Variants in C3orf20 observed in about 807,000 individuals in gnomAD.
C3orf20 encodes family with sequence similarity 149 member C.
Under a neutral mutation model 88.3 loss-of-function variants are expected in C3orf20, and 76 were observed. That is an observed-to-expected ratio of 0.86 (90% CI 0.72 to 1.04). C3orf20 has a LOEUF of 1.04. Among genes scored for constraint, C3orf20 ranks in the 50% least tolerant of loss-of-function variants. C3orf20 has a pLI of 0.00. For missense variants in C3orf20, 1,056 were observed against 1,123.3 expected, an observed-to-expected ratio of 0.94 and a Z score of 0.86; for synonymous variants, 436 against 437.4, an observed-to-expected ratio of 1.00 and a Z score of 0.04.
rs151224168 is a variant in C3orf20, at chr3:14,762,617, C to T, written c.2495+1002C>T. Among the ~76,000 whole-genome samples, 103 of 152,330 alleles carry T rather than the reference C, an allele frequency of 6.8e-4. 2 individuals carry two copies. In the East Asian group the frequency reaches 0.019, roughly 28 times the overall value. Reference sequence around the variant, plus strand: ...TTCAAAATGAGGAAATAATGCCCACCTTGAGAGGCTGTGAGGATCTCATGA... The same window carrying T: ...TTCAAAATGAGGAAATAATGCCCACTTTGAGAGGCTGTGAGGATCTCATGA... On this transcript the variant is annotated intron_variant, in intron 15 of 16. Transcript: ENST00000253697.
intron 12 of C3orf20, among the ~76,000 whole-genome samples, chr3:14,736,584 C>T (rs1026739165): frequency 6.9e-6 from 1 of 144,696 alleles, no homozygotes; most frequent in African/African-American, 2.7e-5. Flanking sequence ...AGCCACTGCG[C>T]CTGGCCTTTT....
At chr3:14,760,137 T>C in intron 14 of C3orf20, 139 bp downstream of exon 14, 1 of 708,500 alleles carries the variant, frequency 1.4e-6, no homozygotes, top group East Asian at 2.7e-5. Context: ...CCACCGTGGC[T>C]GAGGCCCAGA....
intron 12 of C3orf20, among the ~76,000 whole-genome samples, chr3:14,753,594 G>T (rs894489910): frequency 1.3e-5 from 2 of 152,028 alleles, no homozygotes; most frequent in Non-Finnish European, 2.9e-5. Context: ...CCTGTGAGTG[G>T]TCCATACTTT....
In C3orf20 at chr3:14,721,587, G is replaced by A. The variant is rs140401467; in HGVS notation, c.1435-66G>A. On this transcript the variant is annotated intron_variant, in intron 9 of 16. Coordinates refer to ENST00000253697, the MANE Select transcript of C3orf20 (RefSeq NM_032137.5). ...AACAGGGGCTTTGTGCTTCGTGGTG[G>A]GTCAGGAAGGGGTGGCTGGGGCCGT... is the stretch of plus-strand genomic sequence containing the variant. The A allele has an allele frequency of 3.1e-3, 4,890 of 1,583,382 alleles. 195 individuals are homozygous for A. In the Admixed American group the frequency reaches 0.073, roughly 23 times the overall value.
intron 14 of C3orf20, among the ~76,000 whole-genome samples, chr3:14,761,019 G>A (rs555294314): frequency 1.3e-5 from 2 of 152,232 alleles, no homozygotes; most frequent in Admixed American, 1.3e-4. Context: ...CTGACCTATG[G>A]GGGTGGGAGC....
intron 12 of C3orf20, among the ~76,000 whole-genome samples, chr3:14,746,986 G>A (rs533967816): frequency 1.3e-5 from 2 of 152,290 alleles, no homozygotes; most frequent in African/African-American, 4.8e-5. Context: ...GACAATGGGG[G>A]AACTGGGAAC....
chr3:14,702,262 A>C (rs1425630908), intron 5 of C3orf20, among the ~76,000 whole-genome samples: 1 of 152,108 alleles, frequency 6.6e-6, no homozygotes, highest in Non-Finnish European at 1.5e-5. Context: ...AAACTTATTC[A>C]CTATCACGAG....
chr3:14,687,058 A>C (rs537100364), intron 4 of C3orf20, among the ~76,000 whole-genome samples: 1 of 152,336 alleles, frequency 6.6e-6, no homozygotes, highest in African/African-American at 2.4e-5. Flanking sequence ...GGGGAGCAGC[A>C]CTAGCCGCCT....
At chr3:14,723,434 AGCAG>A (rs1168103158) in intron 10 of C3orf20, among the ~76,000 whole-genome samples, 3 of 152,280 alleles carry the variant, frequency 2.0e-5, no homozygotes, top group Non-Finnish European at 4.4e-5. Flanking sequence ...TAGCACCTGC[AGCAG>A]GCCAAGTTGG....
At chr3:14,683,826 A>G (rs1205715511) in intron 3 of C3orf20, among the ~76,000 whole-genome samples, 1 of 149,856 alleles carries the variant, frequency 6.7e-6, no homozygotes, top group African/African-American at 2.5e-5. Context: ...CAGTGAGCCA[A>G]GATCATGCCA....
rs766433620 is a variant in C3orf20, at chr3:14,772,240, A to C, written c.2630+39A>C. Reference sequence around the variant, plus strand: ...TCAGCTGCCAGAATGGGCGTGGCTCACAGCAGGCCACCTCGGGGCTATTTG... The same window carrying C: ...TCAGCTGCCAGAATGGGCGTGGCTCCCAGCAGGCCACCTCGGGGCTATTTG... On this transcript the variant is annotated intron_variant, in intron 16 of 16. Coordinates refer to ENST00000253697, the MANE Select transcript of C3orf20 (RefSeq NM_032137.5). The surrounding 1 kb of genome is among the most constrained non-coding windows in gnomAD (Gnocchi z 4.2). 1.9e-6 allele frequency: 3 copies of C among 1,613,674 alleles called. No individual in the cohort carries two copies. The highest frequency in any genetic ancestry group is 1.7e-6 in the Non-Finnish European group (2 of 1,179,678).
intron 9 of C3orf20, among the ~76,000 whole-genome samples, chr3:14,716,623 G>A (rs1368939836): frequency 6.6e-6 from 1 of 151,964 alleles, no homozygotes; most frequent in African/African-American, 2.4e-5. Flanking sequence ...TCCTCTCTTT[G>A]CCAGTGCAAA....
intron 10 of C3orf20, among the ~76,000 whole-genome samples, 165 bp from the exon 11 acceptor site, chr3:14,726,736 C>T (rs1405078247): frequency 4.6e-5 from 7 of 152,154 alleles, no homozygotes; most frequent in African/African-American, 1.7e-4. Flanking sequence ...GGTCTGTGTG[C>T]AGGAACTCAC....
In C3orf20 at chr3:14,724,101, G is replaced by A. The variant is rs376554215; in HGVS notation, c.1566+2317G>A. On this transcript the variant is annotated intron_variant, in intron 10 of 16. Transcript: ENST00000253697. ...CCCAAAGTGCTGGGATTACAGGCGT[G>A]AGCCACCGTGCCTGGCCAGAAAAAG... is the stretch of plus-strand genomic sequence containing the variant. 2.1e-3 allele frequency among the ~76,000 whole-genome samples: 322 copies of A among 152,258 alleles called. 3 individuals carry two copies. Among genetic ancestry groups the A allele is most frequent in the South Asian group, 4.1e-3 (20 of 4,824 alleles).
chr3:14,772,861 G>T lies in C3orf20; in HGVS notation c.2701G>T (p.Ala901Ser), dbSNP rs2035899437. 6.2e-7 allele frequency: 1 copy of T among 1,613,922 alleles called. No homozygotes were observed. ...CAAGATAACTAGTTGGAAGAAGCAG[G>T]CCTCCAAGAAGTAGCGCCATCCTGG... ...DSKITSWKKQASKK is the reference protein window; with the variant it reads ...DSKITSWKKQSSKK Residue 901 changes from alanine to serine, a missense_variant, in exon 17 of 17, where the codon GCC (alanine) becomes TCC (serine). Physicochemically the swap from Ala to Ser is moderately conservative, Grantham distance 99 (BLOSUM62 1). Coordinates refer to ENST00000253697, the MANE Select transcript of C3orf20 (RefSeq NM_032137.5). This position sits in a 1 kb window ranked among gnomAD's most constrained non-coding sequence, Gnocchi z 4.2.
chr3:14,688,983 G>T (rs1258393532), intron 4 of C3orf20, among the ~76,000 whole-genome samples: 1 of 151,992 alleles, frequency 6.6e-6, no homozygotes, highest in East Asian at 1.9e-4. Context: ...TTTGTTATTT[G>T]TATAATGTGC....
intron 6 of C3orf20, among the ~76,000 whole-genome samples, chr3:14,703,962 G>A (rs893659804): frequency 1.3e-5 from 2 of 152,082 alleles, no homozygotes; most frequent in African/African-American, 4.8e-5. Context: ...TGGGGAGAGG[G>A]CAGCCACTGT....
intron 11 of C3orf20, among the ~76,000 whole-genome samples, chr3:14,727,884 C>G (rs2034410150): frequency 6.6e-6 from 1 of 152,198 alleles, no homozygotes; most frequent in African/African-American, 2.4e-5. Context: ...CTGGGAATTT[C>G]TGGAGTCTGG....
intron 13 of C3orf20, among the ~76,000 whole-genome samples, chr3:14,758,418 C>G (rs2035451764): frequency 6.6e-6 from 1 of 152,170 alleles, no homozygotes; most frequent in Non-Finnish European, 1.5e-5. Flanking sequence ...CTCATCGCTG[C>G]AGTAGAGTCG....
Sources: gnomAD v4.1 joint callset for allele counts (sites outside exome capture counted in the v4.1 genomes callset) on GRCh38, gnomAD v4.1.1 for gene constraint, Gnocchi (gnomAD v3.1) non-coding constraint, MANE v1.5 for transcripts, NCBI Gene and HGNC (gene_info 2026-07-23, HGNC 2026-07-21) for gene names.